The following RBFA variants were observed in gnomAD, a reference collection of about 807,000 sequenced individuals.
RBFA encodes the protein ribosome binding factor A, also known as putative ribosome-binding factor A, mitochondrial.
RBFA carries 16 observed loss-of-function variants against 27.9 expected under a neutral mutation model. That is an observed-to-expected ratio of 0.57 (90% confidence interval 0.39 to 0.87). RBFA has a LOEUF of 0.87. RBFA is among the 40% of genes least tolerant of loss of function. The pLI, the probability that RBFA is intolerant of heterozygous loss-of-function variation, is 0.00. For missense variants in RBFA, 456 were observed against 432.1 expected, an observed-to-expected ratio of 1.06 and a Z score of -0.49; for synonymous variants, 181 against 181.0, an observed-to-expected ratio of 1.00 and a Z score of 0.00.
At chr18:80,044,913 GT>G (rs1256030652) in intron 6 of RBFA, among the ~76,000 whole-genome samples, 1 of 152,256 alleles carries the variant, frequency 6.6e-6, no homozygotes, top group East Asian at 1.9e-4. Flanking sequence ...CCAGAGTCGG[GT>G]TTAACCAGCC....
In RBFA at chr18:80,048,784, G is replaced by A. The variant is rs886678842; in HGVS notation, c.*2629G>A. Among the ~76,000 whole-genome samples the A allele has an allele frequency of 1.9e-3, 287 of 148,386 alleles. 3 individuals carry two copies. The highest frequency in any genetic ancestry group is 3.4e-3 in the Middle Eastern group (1 of 294). Reference sequence around the variant, plus strand: ...GCCGGCTCAGTGCCTCCTAGAAAGAGGAGTGTGGGCACGTTTGCAGGGGAT... The same window carrying A: ...GCCGGCTCAGTGCCTCCTAGAAAGAAGAGTGTGGGCACGTTTGCAGGGGAT... On this transcript the variant is annotated 3_prime_UTR_variant, in exon 7 of 7. Coordinates refer to ENST00000306735, the MANE Select transcript of RBFA (RefSeq NM_024805.3).
Position 80,049,767 on chromosome 18 carries a change from A to G in RBFA, c.*3612A>G, listed in dbSNP as rs956322839. On this transcript the variant is annotated 3_prime_UTR_variant, in exon 7 of 7. Transcript: ENST00000306735. The stretch of plus-strand genomic sequence containing the variant: ...AACATTAGAACATTTTGAGGTAGAC[A>G]GGGGAACTTAATCACCCCTTGTAGG... 5.9e-5 allele frequency among the ~76,000 whole-genome samples: 9 copies of G among 152,352 alleles called. No individual in the cohort carries two copies. The highest frequency in any genetic ancestry group is 1.9e-4 in the African/African-American group (8 of 41,592).
chr18:80,039,187 A>G (rs2052001111), intron 4 of RBFA, among the ~76,000 whole-genome samples: 1 of 152,198 alleles, frequency 6.6e-6, no homozygotes, highest in African/African-American at 2.4e-5. Flanking sequence ...CAGTGGCAGC[A>G]CACGCATATA....
intron 1 of RBFA, 151 bp downstream of exon 1, chr18:80,034,804 C>A: frequency 1.1e-6 from 1 of 877,658 alleles, no homozygotes; most frequent in Non-Finnish European, 1.7e-6. Flanking sequence ...CTAGCTCTCA[C>A]TGTCAGCATT....
In RBFA at chr18:80,046,677, C is replaced by T. The variant is rs1483127962; in HGVS notation, c.*522C>T. ...CGCCGGGGGCTCCGTCCCTGACTGG[C>T]CTCTTCACAGCTTTGTGCAGCAGGC... is the stretch of plus-strand genomic sequence containing the variant. On this transcript the variant is annotated 3_prime_UTR_variant, in exon 7 of 7. Transcript: ENST00000306735. Among the ~76,000 whole-genome samples, 1 of 152,220 alleles carries T rather than the reference C, an allele frequency of 6.6e-6. No individual in the cohort carries two copies. The highest frequency in any genetic ancestry group is 1.5e-5 in the Non-Finnish European group (1 of 68,030).
chr18:80,045,471 C>T (rs1348871203), intron 6 of RBFA, among the ~76,000 whole-genome samples: 1 of 152,082 alleles, frequency 6.6e-6, no homozygotes, highest in Non-Finnish European at 1.5e-5. Flanking sequence ...GTGATCCGCC[C>T]GCCTCAGCCT....
rs758321710 is a variant in RBFA at position 80,042,153 on chromosome 18, G to A, written c.510G>A (p.Gln170=). 6.2e-7 allele frequency: 1 copy of A among 1,610,810 alleles called. No individual in the cohort carries two copies. ...CTCCTAGGCACCTTTTGATGTCCCA[G>A]CAGACCCTGAGGAATGTGCCACCGA... The part of the protein sequence containing the change: ...AAHMRHLLMS[Q]QTLRNVPPIV... The change falls in exon 5 of 7, where the codon CAG becomes CAA. Residue 170 remains glutamine, a synonymous_variant. Transcript: ENST00000306735.
intron 6 of RBFA, 110 bp downstream of exon 6, chr18:80,044,395 C>CCCCAT: frequency 1.0e-6 from 1 of 963,324 alleles, no homozygotes; most frequent in Non-Finnish European, 1.7e-6. Flanking sequence ...CCTGCATGAT[C>CCCCAT]CCCATGGCAC....
intron 3 of RBFA, among the ~76,000 whole-genome samples, 185 bp downstream of exon 3, chr18:80,037,691 G>A (rs549235596): frequency 2.6e-5 from 4 of 152,242 alleles, no homozygotes; most frequent in Admixed American, 6.5e-5. Context: ...AGATTGAGAC[G>A]ATCCTGGCTA....
chr18:80,044,398 C>T, intron 6 of RBFA, 113 bp downstream of exon 6: 1 of 949,250 alleles, frequency 1.1e-6, no homozygotes, highest in East Asian at 2.5e-5. Context: ...GCATGATCCC[C>T]ATGGCACTTG....
rs1282202385 is a variant in RBFA, at chr18:80,047,634, A to C, written c.*1479A>C. ...CTACCTCAGGCCAGTTAAACTAAGA[A>C]GAAAGAATTTAAGGCAATTTGTAAG... On this transcript the variant is annotated 3_prime_UTR_variant, in exon 7 of 7. Coordinates refer to ENST00000306735, the MANE Select transcript of RBFA (RefSeq NM_024805.3). Among the ~76,000 whole-genome samples the C allele has an allele frequency of 6.6e-6, 1 of 152,250 alleles. No homozygotes were observed. The highest frequency in any genetic ancestry group is 1.5e-5 in the Non-Finnish European group (1 of 68,042).
rs766479501 is a variant in RBFA, at chr18:80,046,580, C to T, written c.*425C>T. ...CTCCCAACCCCCTGGAGCTGGGCTC[C>T]GTCCCTGGGGCTGCTGGGCTGGCAC... On this transcript the variant is annotated 3_prime_UTR_variant, in exon 7 of 7. Coordinates refer to ENST00000306735, the MANE Select transcript of RBFA (RefSeq NM_024805.3). Among the ~76,000 whole-genome samples the T allele has an allele frequency of 5.9e-5, 9 of 152,200 alleles. No homozygotes were observed. The highest frequency in any genetic ancestry group is 1.2e-4 in the Non-Finnish European group (8 of 68,028).
intron 1 of RBFA, among the ~76,000 whole-genome samples, chr18:80,036,309 C>G (rs2051978651): frequency 6.6e-6 from 1 of 152,182 alleles, no homozygotes; most frequent in Admixed American, 6.5e-5. Flanking sequence ...CAGTCTCAGT[C>G]TATGCCTATA....
chr18:80,043,453 A>G (rs1213354061), intron 5 of RBFA, among the ~76,000 whole-genome samples: 6 of 152,240 alleles, frequency 3.9e-5, no homozygotes, highest in Non-Finnish European at 8.8e-5. Context: ...GGGACAGTTC[A>G]GGTCATGGCA....
In RBFA at chr18:80,034,958, T is replaced by G; in HGVS notation, c.158+305T>G. On this transcript the variant is annotated intron_variant, in intron 1 of 6. Coordinates refer to ENST00000306735, the MANE Select transcript of RBFA (RefSeq NM_024805.3). ...AAAATGAAAAAATATAAGAATTTCC[T>G]TGCTAATGTTGACTTTCTGTGTGAA... The G allele has an allele frequency of 8.9e-6, 3 of 336,592 alleles. No individual in the cohort carries two copies. The South Asian group carries it at 1.1e-4, about 12-fold the overall frequency. 20.9% of individuals were successfully genotyped at this position (336,592 alleles called of 1,614,324 possible). A position where few individuals can be genotyped will look rare whatever the true frequency, so the allele number is the denominator to read the frequency against.
In RBFA at chr18:80,038,661, C is replaced by T. The variant is rs777599788; in HGVS notation, c.491+44C>T. The T allele has an allele frequency of 2.2e-6, 3 of 1,392,850 alleles. No individual in the cohort carries two copies. The African/African-American group carries it at 4.3e-5, about 20-fold the overall frequency. The allele number at this position is 1,392,850 out of a possible 1,614,324, so 86.3% of individuals were successfully genotyped here. A position where few individuals can be genotyped will look rare whatever the true frequency, so the allele number is the denominator to read the frequency against. On this transcript the variant is annotated intron_variant, in intron 4 of 6. Transcript: ENST00000306735. ...TGAATGTACTTGCTTTTTGCTCATA[C>T]CCTAAATTTCTCAGCTGTTTCACTT...
At chr18:80,042,098 G>T in intron 4 of RBFA, 37 bp from the exon 5 acceptor site, 2 of 1,477,264 alleles carry the variant, frequency 1.4e-6, no homozygotes, top group South Asian at 2.4e-5. Context: ...TGAGTGTCAC[G>T]GCACAGCTGT....
In RBFA at chr18:80,046,209, G is replaced by A. The variant is rs564560950; in HGVS notation, c.*54G>A. 3.1e-5 allele frequency: 49 copies of A among 1,556,474 alleles called. No homozygotes were observed. The highest frequency in any genetic ancestry group is 2.7e-4 in the African/African-American group (20 of 73,780). ...GCAGGGAAAAGCATTGGCACGCAAC[G>A]CAGCATGTGGCTTCATTGAGGCAGT... On this transcript the variant is annotated 3_prime_UTR_variant, in exon 7 of 7. Coordinates refer to ENST00000306735, the MANE Select transcript of RBFA (RefSeq NM_024805.3).
At position 80,034,574 on chromosome 18, in the gene RBFA, T is replaced by C; in HGVS notation, c.79T>C (p.Phe27Leu). ...GTTCCGTAGCCGCGATGCTGCGCTA[T>C]TTCCAGGCTGCGAGCGGGGACTTCA... The part of the protein sequence containing the change: ...ALFRSRDAAL[F>L]PGCERGLHCS... The change falls in exon 1 of 7, where the codon TTT becomes CTT. Residue 27 changes from phenylalanine (F) to leucine (L), a missense_variant. Phe to Leu is a conservative substitution (Grantham distance 22). Coordinates refer to ENST00000306735, the MANE Select transcript of RBFA (RefSeq NM_024805.3). The C allele has an allele frequency of 6.2e-7, 1 of 1,609,866 alleles. No homozygotes were observed. Among genetic ancestry groups the C allele is most frequent in the Non-Finnish European group, 8.5e-7 (1 of 1,179,170 alleles).
Sources: gnomAD v4.1 joint callset for allele counts (sites outside exome capture counted in the v4.1 genomes callset) on GRCh38, gnomAD v4.1.1 for gene constraint, MANE v1.5 for transcripts, NCBI Gene and HGNC (gene_info 2026-07-23, HGNC 2026-07-21) for gene names.